The following BMPER variants were observed in gnomAD, a reference collection of about 807,000 sequenced individuals.
The protein encoded by BMPER is BMP-binding endothelial regulator protein.
In BMPER, 45 loss-of-function variants were observed where a neutral mutation model predicts 87.3. That is an observed-to-expected ratio of 0.52 (90% confidence interval 0.41 to 0.66). The LOEUF is 0.66. BMPER is among the 30% of genes least tolerant of loss of function. BMPER has a pLI of 0.00. For synonymous variants in BMPER, 326 were observed against 316.2 expected (o/e 1.03, Z -0.33); for missense variants, 784 against 867.5 (o/e 0.90, Z 1.21).
intron 11 of BMPER, among the ~76,000 whole-genome samples, chr7:34,072,681 A>G (rs1230413403): frequency 1.3e-5 from 2 of 152,176 alleles, no homozygotes; most frequent in East Asian, 1.9e-4. Flanking sequence ...CCCTCTTGCC[A>G]TGTAAATAAC....
chr7:34,086,513 T>A (rs1385777239), intron 13 of BMPER, among the ~76,000 whole-genome samples: 1 of 152,210 alleles, frequency 6.6e-6, no homozygotes, highest in Non-Finnish European at 1.5e-5. Context: ...ATGAGTCTGG[T>A]TATTCTACCT....
chr7:34,036,403 T>C (rs955544075), intron 6 of BMPER, among the ~76,000 whole-genome samples: 2 of 152,182 alleles, frequency 1.3e-5, no homozygotes, highest in African/African-American at 4.8e-5. Context: ...TGGATTTACT[T>C]GTTTATTTAT....
At chr7:33,994,548 G>A (rs559159517) in intron 6 of BMPER, among the ~76,000 whole-genome samples, 5 of 152,260 alleles carry the variant, frequency 3.3e-5, no homozygotes, top group South Asian at 4.1e-4. Flanking sequence ...TGAACCCGGT[G>A]CCTCAGATGG....
intron 6 of BMPER, among the ~76,000 whole-genome samples, chr7:33,986,515 C>A (rs1371701446): frequency 6.6e-6 from 1 of 152,046 alleles, no homozygotes; most frequent in East Asian, 1.9e-4. Flanking sequence ...GTCTTGATGC[C>A]CATCTTGAAG....
intron 13 of BMPER, among the ~76,000 whole-genome samples, chr7:34,102,556 C>A (rs1341058302): frequency 6.6e-6 from 1 of 152,178 alleles, no homozygotes; most frequent in Non-Finnish European, 1.5e-5. Flanking sequence ...CCCTCCTAAC[C>A]ACATACATAG....
intron 3 of BMPER, among the ~76,000 whole-genome samples, chr7:33,940,322 A>G (rs1784721766): frequency 6.6e-6 from 1 of 152,178 alleles, no homozygotes; most frequent in African/African-American, 2.4e-5. Flanking sequence ...GAGTGTCTCA[A>G]CATTCATTTG....
intron 6 of BMPER, chr7:34,042,694 A>G (rs2127956258): frequency 6.6e-6 from 1 of 152,312 alleles, no homozygotes; most frequent in Non-Finnish European, 1.5e-5. Context: ...TCTAGAGCTC[A>G]TTCTGTGTGG....
At chr7:33,905,438 T>TCCCCCCCCCCCCCCCCCCA, upstream of BMPER, 1 of 23,006 alleles carries the variant, frequency 4.3e-5, no homozygotes, top group Non-Finnish European at 8.2e-5. Context: ...CCTTGGTCTC[T>TCCCCCCCCCCCCCCCCCCA]CCCCCCGCCC....
At chr7:34,062,844 A>G (rs1232251018) in intron 11 of BMPER, among the ~76,000 whole-genome samples, 1 of 152,202 alleles carries the variant, frequency 6.6e-6, no homozygotes, top group Non-Finnish European at 1.5e-5. Flanking sequence ...TTCCTATGGG[A>G]CCACAGTCCT....
At chr7:33,977,689 A>ATG (rs1227070346) in intron 6 of BMPER, among the ~76,000 whole-genome samples, 1 of 152,206 alleles carries the variant, frequency 6.6e-6, no homozygotes, top group African/African-American at 2.4e-5. Flanking sequence ...GCATTTGAGC[A>ATG]TGTATATAGT....
In BMPER at chr7:34,028,603, T is replaced by G. The variant is rs1380731291; in HGVS notation, c.577-17703T>G. On this transcript the variant is annotated intron_variant, in intron 6 of 14. Transcript: ENST00000649409. ...ATACAGTCCAAATCATTTTTTCTGT[T>G]TTTTTTTTTTTTTTTTTTTTTTTTT... Among the ~76,000 whole-genome samples, 50 of 52,834 alleles carry G rather than the reference T, an allele frequency of 9.5e-4. 1 individual carries two copies. The highest frequency in any genetic ancestry group is 3.5e-3 in the African/African-American group (47 of 13,558). The allele number at this position is 52,834 out of a possible 152,430, so 34.7% of individuals were successfully genotyped here. A position where few individuals can be genotyped will look rare whatever the true frequency, so the allele number is the denominator to read the frequency against.
intron 13 of BMPER, among the ~76,000 whole-genome samples, chr7:34,117,064 T>C (rs1790136619): frequency 6.6e-6 from 1 of 152,074 alleles, no homozygotes; most frequent in South Asian, 2.1e-4. Context: ...GGTATTATTA[T>C]TGGTACATAG....
intron 6 of BMPER, among the ~76,000 whole-genome samples, chr7:34,039,542 A>C (rs1787775027): frequency 6.6e-6 from 1 of 151,558 alleles, no homozygotes; most frequent in Non-Finnish European, 1.5e-5. Flanking sequence ...TAATCACCTG[A>C]CCCCAAATGT....
chr7:33,953,664 T>C (rs770927425), intron 3 of BMPER, among the ~76,000 whole-genome samples: 1 of 152,134 alleles, frequency 6.6e-6, no homozygotes, highest in South Asian at 2.1e-4. Context: ...AAATTTACCA[T>C]TTTGATCATT....
At chr7:33,979,758 C>T (rs879875228) in intron 6 of BMPER, among the ~76,000 whole-genome samples, 19 of 152,198 alleles carry the variant, frequency 1.2e-4, no homozygotes, top group Admixed American at 9.8e-4. Flanking sequence ...GAACTGCAAA[C>T]TCTTCGTGGT....
At chr7:33,993,498 T>A (rs1051631691) in intron 6 of BMPER, among the ~76,000 whole-genome samples, 1 of 151,780 alleles carries the variant, frequency 6.6e-6, no homozygotes, top group Admixed American at 6.6e-5. Flanking sequence ...TCTGTATTGG[T>A]TATTCTAGTT....
chr7:34,039,343 G>A (rs952006534), intron 6 of BMPER, among the ~76,000 whole-genome samples: 1 of 152,144 alleles, frequency 6.6e-6, no homozygotes, highest in Non-Finnish European at 1.5e-5. Flanking sequence ...TGTGGTTTGA[G>A]GAATCATTGG....
At position 34,070,253 on chromosome 7, in the gene BMPER, G is replaced by A. The variant is rs1788702423; in HGVS notation, c.1078+8206G>A. Reference sequence around the variant, plus strand: ...TGATTCCCCCAATTATTTGAGCTGGGAGTTGGATGGAGGGGCTAATGGCTG... The same window carrying A: ...TGATTCCCCCAATTATTTGAGCTGGAAGTTGGATGGAGGGGCTAATGGCTG... On this transcript the variant is annotated intron_variant, in intron 11 of 14. Transcript: ENST00000649409. 2.0e-5 allele frequency among the ~76,000 whole-genome samples: 3 copies of A among 152,114 alleles called. No individual in the cohort carries two copies. The East Asian group carries it at 5.8e-4, about 29-fold the overall frequency.
chr7:34,094,309 C>T (rs369156066), intron 13 of BMPER, among the ~76,000 whole-genome samples: 2 of 152,202 alleles, frequency 1.3e-5, no homozygotes, highest in East Asian at 3.8e-4. Flanking sequence ...GACAGCTATG[C>T]ATGAGAAATA....
Sources: allele counts gnomAD v4.1 joint callset (sites outside exome capture counted in the v4.1 genomes callset), GRCh38; gene constraint gnomAD v4.1.1; transcripts MANE v1.5; gene names NCBI Gene and HGNC (gene_info 2026-07-23, HGNC 2026-07-21).